KCNQ5: variants seen among roughly 807,000 people sequenced by gnomAD.
KCNQ5 encodes potassium voltage-gated channel subfamily Q member 5, also known as potassium voltage-gated channel subfamily KQT member 5.
In KCNQ5, 30 loss-of-function variants were observed where a neutral mutation model predicts 98.2. That is an observed-to-expected ratio of 0.31 (90% CI 0.23 to 0.41). The LOEUF is 0.41. KCNQ5 is among the 10% of genes least tolerant of loss of function. KCNQ5 has a pLI of 1.00. For missense variants in KCNQ5, 835 were observed against 1,182.5 expected (o/e 0.71, Z 4.31); for synonymous variants, 458 against 449.4 (o/e 1.02, Z -0.24).
chr6:72,896,335 T>A (rs966304867), intron 1 of KCNQ5, among the ~76,000 whole-genome samples: 1 of 152,102 alleles, frequency 6.6e-6, no homozygotes, highest in Non-Finnish European at 1.5e-5. Flanking sequence ...AAGTACCCTA[T>A]GTGGATTATT....
chr6:73,160,354 T>C (rs937294389), intron 10 of KCNQ5, among the ~76,000 whole-genome samples: 5 of 152,204 alleles, frequency 3.3e-5, no homozygotes, highest in Non-Finnish European at 5.9e-5. Flanking sequence ...TATTTTTGTC[T>C]GTGACTGTGT....
chr6:72,706,248 CA>C (rs1707942637), intron 1 of KCNQ5, among the ~76,000 whole-genome samples: 1 of 151,892 alleles, frequency 6.6e-6, no homozygotes, highest in Admixed American at 6.6e-5. Flanking sequence ...AAAGCAGAAA[CA>C]TTAACATGCT....
chr6:72,843,568 T>G (rs553903410), intron 1 of KCNQ5, among the ~76,000 whole-genome samples: 9 of 152,310 alleles, frequency 5.9e-5, no homozygotes, highest in African/African-American at 1.9e-4. Flanking sequence ...ATAAGTTACT[T>G]TGGGCAGTAT....
At chr6:73,077,733 TA>T in intron 4 of KCNQ5, 28 bp from the exon 5 acceptor site, 3 of 1,584,246 alleles carry the variant, frequency 1.9e-6, no homozygotes, top group Non-Finnish European at 1.7e-6. Flanking sequence ...TTCCCACCTC[TA>T]AAAATCTTTC....
chr6:73,060,053 A>G (rs942723500), intron 3 of KCNQ5, among the ~76,000 whole-genome samples: 1 of 152,168 alleles, frequency 6.6e-6, no homozygotes, highest in South Asian at 2.1e-4. Flanking sequence ...TAAAATTGCC[A>G]CCAAGACCCA....
At chr6:72,683,022 G>A (rs1298493130) in intron 1 of KCNQ5, among the ~76,000 whole-genome samples, 2 of 152,178 alleles carry the variant, frequency 1.3e-5, no homozygotes, top group Admixed American at 6.5e-5. Context: ...AGCCATACGT[G>A]ATTTTTTAAC....
chr6:73,018,814 A>G (rs953698872), intron 2 of KCNQ5, among the ~76,000 whole-genome samples: 7 of 152,204 alleles, frequency 4.6e-5, no homozygotes, highest in Non-Finnish European at 1.0e-4. Flanking sequence ...AATGTAACAC[A>G]GAAGTTAGAG....
At chr6:72,815,878 T>C (rs527624348) in intron 1 of KCNQ5, among the ~76,000 whole-genome samples, 1 of 152,296 alleles carries the variant, frequency 6.6e-6, no homozygotes, top group South Asian at 2.1e-4. Flanking sequence ...CAAGTTTAAC[T>C]TGGGGCACAT....
At chr6:72,824,577 A>G (rs1030586709) in intron 1 of KCNQ5, among the ~76,000 whole-genome samples, 1 of 152,094 alleles carries the variant, frequency 6.6e-6, no homozygotes, top group Non-Finnish European at 1.5e-5. Flanking sequence ...TAAAATCAAT[A>G]TTTTCATCCT....
At chr6:72,702,570 T>C (rs1394451955) in intron 1 of KCNQ5, among the ~76,000 whole-genome samples, 2 of 152,200 alleles carry the variant, frequency 1.3e-5, no homozygotes, top group Non-Finnish European at 2.9e-5. Context: ...TCCCTTTGTT[T>C]TGTTCCACTC....
intron 10 of KCNQ5, among the ~76,000 whole-genome samples, chr6:73,149,380 A>G (rs1160731043): frequency 6.6e-6 from 1 of 152,262 alleles, no homozygotes; most frequent in African/African-American, 2.4e-5. Flanking sequence ...AGATTAACAC[A>G]AAATGAATCA....
intron 1 of KCNQ5, among the ~76,000 whole-genome samples, chr6:72,695,585 G>T (rs1768446108): frequency 6.6e-6 from 1 of 151,958 alleles, no homozygotes; most frequent in South Asian, 2.1e-4. Flanking sequence ...ACACTTCTCA[G>T]AACATATACA....
chr6:73,076,203 G>A (rs1211564091), intron 3 of KCNQ5, among the ~76,000 whole-genome samples: 1 of 152,198 alleles, frequency 6.6e-6, no homozygotes, highest in African/African-American at 2.4e-5. Flanking sequence ...TCTCAGTGCA[G>A]GGAGAAGGAT....
At chr6:72,882,919 CT>C (rs1289029766) in intron 1 of KCNQ5, among the ~76,000 whole-genome samples, 2 of 152,102 alleles carry the variant, frequency 1.3e-5, no homozygotes, top group South Asian at 2.1e-4. Context: ...TTGGAAGCAA[CT>C]TTTTTTCATG....
intron 1 of KCNQ5, among the ~76,000 whole-genome samples, chr6:72,687,924 C>T (rs1185803208): frequency 1.3e-5 from 2 of 151,070 alleles, no homozygotes; most frequent in Non-Finnish European, 2.9e-5. Flanking sequence ...TTGCAACCTC[C>T]GCCTCCCAGG....
At chr6:72,944,305 C>T (rs1360765615) in intron 1 of KCNQ5, among the ~76,000 whole-genome samples, 2 of 152,158 alleles carry the variant, frequency 1.3e-5, no homozygotes, top group African/African-American at 2.4e-5. Flanking sequence ...TTGGGGTCAA[C>T]ACATAATAAA....
At position 72,750,791 on chromosome 6, in the gene KCNQ5, A is replaced by G. The variant is rs190852271; in HGVS notation, c.398+128204A>G. Among the ~76,000 whole-genome samples, 209 of 152,206 alleles carry G rather than the reference A, an allele frequency of 1.4e-3. 1 individual carries two copies. The highest frequency in any genetic ancestry group is 1.4e-3 in the Non-Finnish European group (97 of 67,960). ...TTTGTACCTCATAAGCAAAGCTACA[A>G]TGGTACTAACAGGGTGTAATTTGTT... On this transcript the variant is annotated intron_variant, in intron 1 of 13. Coordinates refer to ENST00000370398, the MANE Select transcript of KCNQ5 (RefSeq NM_019842.4).
intron 1 of KCNQ5, among the ~76,000 whole-genome samples, chr6:72,799,911 AG>A (rs1180035297): frequency 9.9e-5 from 15 of 152,216 alleles, no homozygotes; most frequent in African/African-American, 3.6e-4. Context: ...ATACTGAAGA[AG>A]CATCAAGCTA....
intron 10 of KCNQ5, among the ~76,000 whole-genome samples, chr6:73,139,744 C>T (rs78033930): frequency 0.029 from 4,344 of 152,252 alleles, 200 homozygotes; most frequent in African/African-American, 0.098. Context: ...AATCCTTCCT[C>T]ACATACAGTC....
Sources: allele counts gnomAD v4.1 joint callset (sites outside exome capture counted in the v4.1 genomes callset), GRCh38; gene constraint gnomAD v4.1.1; transcripts MANE v1.5; gene names NCBI Gene and HGNC (gene_info 2026-07-23, HGNC 2026-07-21).